Variants in SIAE observed in about 807,000 individuals in gnomAD.
The protein encoded by SIAE is sialate O-acetylesterase.
SIAE carries 39 observed loss-of-function variants against 52.6 expected under a neutral mutation model. That is an observed-to-expected ratio of 0.74 (90% CI 0.57 to 0.97). The LOEUF is 0.97. SIAE is among the 50% of genes least tolerant of loss of function. The pLI is 0.00. For synonymous variants in SIAE, 233 were observed against 241.4 expected, an observed-to-expected ratio of 0.97 and a Z score of 0.32; for missense variants, 592 against 662.1, an observed-to-expected ratio of 0.89 and a Z score of 1.16.
intron 7 of SIAE, 46 bp from the exon 8 acceptor site, chr11:124,639,913 A>G (rs1942817258): frequency 1.9e-6 from 3 of 1,605,696 alleles, no homozygotes; most frequent in African/African-American, 2.7e-5. Context: ...AGAATCCCAC[A>G]CTGGAGTCTT....
At chr11:124,640,697 C>A (rs1942830645) in intron 7 of SIAE, among the ~76,000 whole-genome samples, 1 of 152,190 alleles carries the variant, frequency 6.6e-6, no homozygotes, top group South Asian at 2.1e-4. Flanking sequence ...TGCAGTTCCT[C>A]CCGTTAACAG....
At chr11:124,654,411 T>C (rs561759155) in intron 4 of SIAE, 1 of 985,360 alleles carries the variant, frequency 1.0e-6, no homozygotes, top group African/African-American at 1.7e-5. Context: ...CGAAGGGCCT[T>C]GATATTTTCA....
At chr11:124,640,141 C>A (rs531858633) in intron 7 of SIAE, among the ~76,000 whole-genome samples, 1 of 152,262 alleles carries the variant, frequency 6.6e-6, no homozygotes, top group South Asian at 2.1e-4. Context: ...TTTGCTTTGA[C>A]CCATAGAATG....
At chr11:124,637,303 A>G in intron 9 of SIAE, 101 bp from the exon 10 acceptor site, 1 of 1,536,734 alleles carries the variant, frequency 6.5e-7, no homozygotes, top group Non-Finnish European at 9.0e-7. Context: ...GAAAGGAGAC[A>G]CTCTTCACCA....
intron 3 of SIAE, chr11:124,659,015 A>G (rs1943143422): frequency 6.6e-6 from 1 of 152,228 alleles, no homozygotes; most frequent in Admixed American, 6.5e-5. Context: ...AAAAATAAAT[A>G]TTAACACTTG....
At chr11:124,656,482 C>G (rs894443459) in intron 3 of SIAE, among the ~76,000 whole-genome samples, 2 of 152,040 alleles carry the variant, frequency 1.3e-5, no homozygotes, top group African/African-American at 4.8e-5. Flanking sequence ...CATATTTTCC[C>G]AAATCACTGT....
upstream of SIAE, chr11:124,673,985 CA>C: frequency 3.8e-6 from 2 of 526,090 alleles, no homozygotes; most frequent in Non-Finnish European, 6.8e-6. Flanking sequence ...TCTCCGATAC[CA>C]AGACCTAGCC....
At chr11:124,671,668 T>C (rs2134396293) in intron 1 of SIAE, among the ~76,000 whole-genome samples, 1 of 151,948 alleles carries the variant, frequency 6.6e-6, no homozygotes, top group Admixed American at 6.5e-5. Context: ...AATTGTGCAA[T>C]GGACAAAAAA....
chr11:124,639,783 G>T lies in SIAE; in HGVS notation c.1051C>A (p.Pro351Thr), dbSNP rs1477925916. The T allele has an allele frequency of 6.2e-7, 1 of 1,614,208 alleles. No individual in the cohort carries two copies. Among genetic ancestry groups the T allele is most frequent in the East Asian group, 2.2e-5 (1 of 44,886 alleles). Reference protein sequence around the residue: ...WHQTADFGYVPNPKMPNTFMA... With the variant: ...WHQTADFGYVTNPKMPNTFMA... The stretch of plus-strand genomic sequence containing the variant: ...AAAGTATTGGGCATCTTTGGGTTGG[G>T]GACATAGCCGAAGTCTGCTGTTTGA... Residue 351 changes from proline to threonine, a missense_variant, in exon 8 of 10, where the codon CCC becomes ACC. By Grantham distance (38) the Pro-to-Thr change is conservative. Transcript: ENST00000263593.
chr11:124,655,174 C>CTT (rs766294261), intron 3 of SIAE, among the ~76,000 whole-genome samples: 23 of 135,032 alleles, frequency 1.7e-4, no homozygotes, highest in African/African-American at 2.7e-4. Flanking sequence ...TTAACTTCTT[C>CTT]TTTTTTTTTT....
chr11:124,643,391 C>CA (rs1424188433), intron 7 of SIAE, among the ~76,000 whole-genome samples: 1 of 152,036 alleles, frequency 6.6e-6, no homozygotes, highest in East Asian at 1.9e-4. Context: ...ACTTACACTT[C>CA]AAAGAGTCAC....
Position 124,660,717 on chromosome 11 carries a change from T to C in SIAE, c.316A>G (p.Ile106Val). 1 of 1,614,214 alleles carries C rather than the reference T, an allele frequency of 6.2e-7. No homozygotes were observed. Among genetic ancestry groups the C allele is most frequent in the Non-Finnish European group, 8.5e-7 (1 of 1,180,036 alleles). ...EVMAQQTLEK[I>V]NFTLRVHDVL... ...TCATGAACTCTCAGGGTGAAGTTTATTTTCTCCAAAGTCTGTTGTGCCATC... is the reference window on the plus strand; with the variant it reads ...TCATGAACTCTCAGGGTGAAGTTTACTTTCTCCAAAGTCTGTTGTGCCATC... The change falls in exon 3 of 10, where the codon ATA (isoleucine) becomes GTA (valine). Residue 106 changes from isoleucine (I) to valine (V), a missense_variant. Transcript: ENST00000263593.
chr11:124,673,705 C>G lies in SIAE; in HGVS notation c.4G>C (p.Val2Leu). ...AGCCCGAGTACAAGCCCCGGCGCGACCATGCTTGCAAGGATCTGACCGCCG... is the reference window on the plus strand; with the variant it reads ...AGCCCGAGTACAAGCCCCGGCGCGAGCATGCTTGCAAGGATCTGACCGCCG... MVAPGLVLGLVL... is the reference protein window; with the variant it reads MLAPGLVLGLVL... The change falls in exon 1 of 10, where the codon GTC becomes CTC. Residue 2 changes from valine (V) to leucine (L), a missense_variant. Transcript: ENST00000263593. 1 of 1,613,528 alleles carries G rather than the reference C, an allele frequency of 6.2e-7. No homozygotes were observed. The highest frequency in any genetic ancestry group is 8.5e-7 in the Non-Finnish European group (1 of 1,179,772).
At position 124,637,240 on chromosome 11, in the gene SIAE, GA is replaced by G. The variant is rs770006839; in HGVS notation, c.1321-39del. Reference sequence around the variant, plus strand: ...CCATAAAATAGGAATGATTAGGTCAGAAGGGTCTTCCAAGAAACTGGGCACT... The same window carrying G: ...CCATAAAATAGGAATGATTAGGTCAGAGGGTCTTCCAAGAAACTGGGCACT... On this transcript the variant is annotated intron_variant, in intron 9 of 9. Coordinates refer to ENST00000263593, the MANE Select transcript of SIAE (RefSeq NM_170601.5). 8.1e-6 allele frequency: 13 copies of G among 1,613,592 alleles called. No homozygotes were observed. In the Admixed American group the frequency reaches 1.0e-4, roughly 12 times the overall value.
intron 1 of SIAE, 96 bp downstream of exon 1, chr11:124,673,546 A>G: frequency 2.8e-6 from 4 of 1,436,984 alleles, no homozygotes; most frequent in Non-Finnish European, 2.9e-6. Flanking sequence ...GTCGACCTTG[A>G]GAAAGGGGCG....
At chr11:124,637,874 TC>T (rs1942778613) in intron 9 of SIAE, among the ~76,000 whole-genome samples, 1 of 152,168 alleles carries the variant, frequency 6.6e-6, no homozygotes, top group East Asian at 1.9e-4. Flanking sequence ...CCTTTAATAT[TC>T]TTTTCTCTTC....
At position 124,647,378 on chromosome 11, in the gene SIAE, A is replaced by G. The variant is rs1942951218; in HGVS notation, c.953T>C (p.Phe318Ser). 1 of 1,614,228 alleles carries G rather than the reference A, an allele frequency of 6.2e-7. No individual in the cohort carries two copies. Among genetic ancestry groups the G allele is most frequent in the Non-Finnish European group, 8.5e-7 (1 of 1,180,034 alleles). ...SQGQTERFFP[F>S]GLVQLSSDLS... ...CCCACATCGTACCTGGACAAGTCCA[A>G]ATGGGAAGAAACGCTCCGTCTGCCC... Residue 318 changes from phenylalanine (F) to serine (S), a missense_variant, in exon 7 of 10, where the codon TTT becomes TCT. Transcript: ENST00000263593.
At chr11:124,675,351 A>G (rs1363207832), upstream of SIAE, 1 of 1,614,236 alleles carries the variant, frequency 6.2e-7, no homozygotes, top group Non-Finnish European at 8.5e-7. Flanking sequence ...AGATTCTGAG[A>G]GAGCAACCGG....
At position 124,649,037 on chromosome 11, in the gene SIAE, A is replaced by G. The variant is rs1942664; in HGVS notation, c.722+582T>C. Reference sequence around the variant, plus strand: ...TATTCACTAGCCCTTTCCCTCCCCAAGTATTCTTCCTGATCCAGCCTTTCC... The same window carrying G: ...TATTCACTAGCCCTTTCCCTCCCCAGGTATTCTTCCTGATCCAGCCTTTCC... On this transcript the variant is annotated intron_variant, in intron 5 of 9. Transcript: ENST00000263593. Among the ~76,000 whole-genome samples, 1,295 of 152,264 alleles carry G rather than the reference A, an allele frequency of 8.5e-3. 23 individuals are homozygous for G. In the East Asian group the frequency reaches 0.091, roughly 11 times the overall value.
Sources: gnomAD v4.1 joint callset for allele counts (sites outside exome capture counted in the v4.1 genomes callset) on GRCh38, gnomAD v4.1.1 for gene constraint, MANE v1.5 for transcripts, NCBI Gene and HGNC (gene_info 2026-07-23, HGNC 2026-07-21) for gene names.